GPM6A: variants seen among roughly 807,000 people sequenced by gnomAD.
GPM6A encodes glycoprotein M6A.
GPM6A carries 7 observed loss-of-function variants against 32.1 expected under a neutral mutation model. That is an observed-to-expected ratio of 0.22 (90% CI 0.12 to 0.41). GPM6A has a LOEUF of 0.41. Ranked by LOEUF, GPM6A falls within the 10% of genes least tolerant of loss-of-function variation. GPM6A has a pLI of 1.00. For missense variants in GPM6A, 235 were observed against 347.2 expected (o/e 0.68, Z 2.57); for synonymous variants, 130 against 123.4 (o/e 1.05, Z -0.35).
intron 1 of GPM6A, among the ~76,000 whole-genome samples, chr4:175,874,090 A>T (rs1159637298): frequency 6.6e-6 from 1 of 152,220 alleles, no homozygotes; most frequent in Non-Finnish European, 1.5e-5. Flanking sequence ...GGTAACTTTC[A>T]TGAAAGAGAC....
At chr4:175,637,711 AT>A (rs1264068547) in intron 6 of GPM6A, among the ~76,000 whole-genome samples, 16 of 2,822 alleles carry the variant, frequency 5.7e-3, no homozygotes, top group African/African-American at 0.016. Flanking sequence ...TATATTATAT[AT>A]ATTTATATAT....
intron 6 of GPM6A, among the ~76,000 whole-genome samples, chr4:175,637,643 T>TTA (rs1352456671): frequency 1.6e-3 from 1 of 632 alleles, no homozygotes; most frequent in African/African-American, 2.7e-3. Context: ...ATATTATATA[T>TTA]TATATAAAAT....
rs1211253008 is a variant in GPM6A, at chr4:175,634,214, GC to G, written c.*690del. On this transcript the variant is annotated 3_prime_UTR_variant, in exon 7 of 7. Coordinates refer to ENST00000393658, the MANE Select transcript of GPM6A (RefSeq NM_201591.3). ...TGCATTAGCATTACTGTTTCTACAT[GC>G]TCACAACATAAACATGAGTAATCTG... 3 of 152,488 alleles carry G rather than the reference GC, an allele frequency of 2.0e-5. No homozygotes were observed. The highest frequency in any genetic ancestry group is 4.4e-5 in the Non-Finnish European group (3 of 67,988). The allele number at this position is 152,488 out of a possible 1,614,324, so 9.4% of individuals were successfully genotyped here.
intron 1 of GPM6A, among the ~76,000 whole-genome samples, chr4:175,736,714 A>C (rs889240459): frequency 1.3e-5 from 2 of 152,244 alleles, no homozygotes; most frequent in African/African-American, 4.8e-5. Flanking sequence ...GATAGTTATT[A>C]ATTAGTAGTA....
At chr4:175,977,070 T>C (rs1043132177) in intron 1 of GPM6A, among the ~76,000 whole-genome samples, 35 of 152,268 alleles carry the variant, frequency 2.3e-4, no homozygotes, top group African/African-American at 8.2e-4. Context: ...GGTCAAAACA[T>C]TGTATTCTTA....
rs183363958 is a variant in GPM6A, at chr4:175,796,152, T to C, written c.37+16039A>G. Among the ~76,000 whole-genome samples the C allele has an allele frequency of 4.6e-5, 7 of 152,314 alleles. No individual in the cohort carries two copies. In the South Asian group the frequency reaches 6.2e-4, roughly 14 times the overall value. On this transcript the variant is annotated intron_variant, in intron 1 of 6. Coordinates refer to ENST00000393658, the MANE Select transcript of GPM6A (RefSeq NM_201591.3). ...CTTCTACATCAAAAGCTTTATAATG[T>C]AGTCTGCCTTGCACAGTGACACTTA...
upstream of GPM6A, among the ~76,000 whole-genome samples, chr4:175,813,720 A>T (rs2111336142): frequency 1.3e-5 from 2 of 152,360 alleles, no homozygotes; most frequent in Middle Eastern, 3.4e-3. Flanking sequence ...AAAGCAGGCC[A>T]GTAGCATGCT....
chr4:175,707,265 C>T (rs1372480596), intron 1 of GPM6A, among the ~76,000 whole-genome samples: 1 of 152,224 alleles, frequency 6.6e-6, no homozygotes. Flanking sequence ...CAAGAACCCT[C>T]TCTTGGGGTC....
chr4:175,693,293 T>C (rs1744397650), intron 2 of GPM6A, among the ~76,000 whole-genome samples: 1 of 148,198 alleles, frequency 6.7e-6, no homozygotes, highest in Non-Finnish European at 1.5e-5. Flanking sequence ...TATATACATA[T>C]ATATATAAAA....
At chr4:175,713,310 C>T (rs1453418717) in intron 1 of GPM6A, among the ~76,000 whole-genome samples, 17 of 152,146 alleles carry the variant, frequency 1.1e-4, no homozygotes, top group Admixed American at 1.1e-3. Flanking sequence ...TCAAGCCATT[C>T]TCCTGCCTCA....
intron 1 of GPM6A, among the ~76,000 whole-genome samples, chr4:175,939,768 C>T (rs756378629): frequency 3.3e-5 from 5 of 151,844 alleles, no homozygotes; most frequent in Non-Finnish European, 5.9e-5. Flanking sequence ...TGACTTTCAA[C>T]AGAAGCAACA....
intron 1 of GPM6A, among the ~76,000 whole-genome samples, chr4:175,898,500 A>G (rs1737860825): frequency 6.6e-6 from 1 of 152,110 alleles, no homozygotes; most frequent in South Asian, 2.1e-4. Context: ...CAGCTCCAGT[A>G]AGAGATTCTA....
At chr4:175,713,587 C>G (rs1366647930) in intron 1 of GPM6A, among the ~76,000 whole-genome samples, 1 of 151,950 alleles carries the variant, frequency 6.6e-6, no homozygotes, top group East Asian at 1.9e-4. Context: ...TATGTCCTGG[C>G]CTAAAAAGAG....
chr4:175,920,499 G>C (rs1012961320), intron 1 of GPM6A, among the ~76,000 whole-genome samples: 1 of 152,158 alleles, frequency 6.6e-6, no homozygotes, highest in Non-Finnish European at 1.5e-5. Context: ...TGGTTATTTA[G>C]TCACTTACTG....
At chr4:175,657,047 T>G (rs754581821) in intron 3 of GPM6A, among the ~76,000 whole-genome samples, 1 of 152,204 alleles carries the variant, frequency 6.6e-6, no homozygotes, top group Non-Finnish European at 1.5e-5. Context: ...GGTCATTGTT[T>G]CTCACTGTTT....
At chr4:175,980,271 C>T (rs1047748782) in intron 1 of GPM6A, among the ~76,000 whole-genome samples, 4 of 152,138 alleles carry the variant, frequency 2.6e-5, no homozygotes, top group African/African-American at 9.7e-5. Flanking sequence ...GTGGGAGGAT[C>T]GCTTGAGCCA....
intron 3 of GPM6A, among the ~76,000 whole-genome samples, chr4:175,660,397 A>C (rs1742341446): frequency 6.6e-6 from 1 of 152,174 alleles, no homozygotes. Context: ...AAAAAAAAGA[A>C]GTATATGGAC....
intron 1 of GPM6A, among the ~76,000 whole-genome samples, chr4:175,853,391 A>C (rs1036376158): frequency 6.6e-6 from 1 of 151,922 alleles, no homozygotes; most frequent in African/African-American, 2.4e-5. Context: ...ATTCCTTTTT[A>C]CCTTAACTAA....
At position 175,716,590 on chromosome 4, in the gene GPM6A, A is replaced by G. The variant is rs187136182; in HGVS notation, c.38-14823T>C. Among the ~76,000 whole-genome samples, 9 of 152,302 alleles carry G rather than the reference A, an allele frequency of 5.9e-5. No individual in the cohort carries two copies. In the East Asian group the frequency reaches 9.6e-4, roughly 16 times the overall value. On this transcript the variant is annotated intron_variant, in intron 1 of 6. Coordinates refer to ENST00000393658, the MANE Select transcript of GPM6A (RefSeq NM_201591.3). Reference sequence around the variant, plus strand: ...AAACTTCTGTTTTGTTAATGACACAATGTTGAAGATTATCAGTATGACTCT... The same window carrying G: ...AAACTTCTGTTTTGTTAATGACACAGTGTTGAAGATTATCAGTATGACTCT...
Sources: gnomAD v4.1 joint callset for allele counts (sites outside exome capture counted in the v4.1 genomes callset) on GRCh38, gnomAD v4.1.1 for gene constraint, MANE v1.5 for transcripts, NCBI Gene and HGNC (gene_info 2026-07-23, HGNC 2026-07-21) for gene names.